Variants in SRPK2 observed in about 807,000 individuals in gnomAD.
SRPK2 encodes SFRS protein kinase 2.
In SRPK2, 21 loss-of-function variants were observed where a neutral mutation model predicts 90.8. The ratio of observed to expected loss-of-function variants is 0.23; its 90% CI spans 0.16 to 0.33. The LOEUF is 0.33. Ranked by LOEUF, SRPK2 falls within the 10% of genes least tolerant of loss-of-function variation. The probability of loss-of-function intolerance (pLI) is 1.00; values close to 1 mark genes in which losing one functional copy is unlikely to be tolerated. For missense variants in SRPK2, 620 were observed against 869.0 expected (o/e 0.71, Z 3.60); for synonymous variants, 288 against 311.1 (o/e 0.93, Z 0.78).
intron 2 of SRPK2, 133 bp downstream of exon 2, chr7:105,388,515 A>C: frequency 2.0e-6 from 1 of 508,172 alleles, no homozygotes; most frequent in Non-Finnish European, 2.8e-6. Context: ...CGGGGGCAGG[A>C]GCCGAGCGCC....
upstream of SRPK2, among the ~76,000 whole-genome samples, chr7:105,390,170 AATAAAG>A (rs1158278448): frequency 6.6e-6 from 1 of 152,214 alleles, no homozygotes; most frequent in Non-Finnish European, 1.5e-5. Flanking sequence ...ATCTACTAAG[AATAAAG>A]ATAATCTCCC....
At chr7:105,386,460 T>A (rs755512795) in intron 2 of SRPK2, among the ~76,000 whole-genome samples, 8 of 152,178 alleles carry the variant, frequency 5.3e-5, no homozygotes, top group Non-Finnish European at 1.2e-4. Context: ...ACACCTGTAA[T>A]CCCAGCTGTG....
intron 2 of SRPK2, among the ~76,000 whole-genome samples, chr7:105,339,622 T>C (rs1301438979): frequency 6.6e-6 from 1 of 152,230 alleles, no homozygotes; most frequent in East Asian, 1.9e-4. Flanking sequence ...CTGAGAATAC[T>C]ACTAAAACAC....
chr7:105,349,669 A>T (rs945395105), intron 2 of SRPK2, among the ~76,000 whole-genome samples: 1 of 152,206 alleles, frequency 6.6e-6, no homozygotes, highest in Non-Finnish European at 1.5e-5. Flanking sequence ...CTAAGCCCAA[A>T]AAACCAGAGA....
intron 2 of SRPK2, among the ~76,000 whole-genome samples, chr7:105,230,866 T>G (rs1468333795): frequency 1.3e-5 from 2 of 152,230 alleles, no homozygotes; most frequent in Non-Finnish European, 2.9e-5. Flanking sequence ...TTATCAAAAA[T>G]CATTGTTTAT....
intron 2 of SRPK2, among the ~76,000 whole-genome samples, chr7:105,236,425 TTGG>T (rs1336967784): frequency 1.5e-4 from 23 of 152,316 alleles, no homozygotes; most frequent in Admixed American, 1.3e-3. Context: ...TTTTTCTTTC[TTGG>T]TGGTGCATAA....
chr7:105,271,109 T>C (rs1805774685), intron 2 of SRPK2, among the ~76,000 whole-genome samples: 1 of 152,206 alleles, frequency 6.6e-6, no homozygotes, highest in Non-Finnish European at 1.5e-5. Context: ...ATGTATCAAC[T>C]TGCTGCTTCA....
intron 2 of SRPK2, among the ~76,000 whole-genome samples, chr7:105,267,835 T>C (rs943851274): frequency 1.3e-5 from 2 of 152,118 alleles, no homozygotes; most frequent in Admixed American, 6.6e-5. Context: ...TTTTTCTAAA[T>C]ATTACATCTA....
chr7:105,121,316 G>C (rs549010976), intron 15 of SRPK2, among the ~76,000 whole-genome samples: 1 of 150,028 alleles, frequency 6.7e-6, no homozygotes, highest in African/African-American at 2.5e-5. Context: ...CTACACTCCA[G>C]CCTAGGCAAC....
chr7:105,243,528 C>G (rs1046859791), intron 2 of SRPK2, among the ~76,000 whole-genome samples: 1 of 150,036 alleles, frequency 6.7e-6, no homozygotes, highest in Non-Finnish European at 1.5e-5. Flanking sequence ...ACAAATTAGC[C>G]GGGCGTGGTA....
intron 7 of SRPK2, among the ~76,000 whole-genome samples, chr7:105,154,344 G>A (rs531612560): frequency 2.0e-5 from 3 of 152,276 alleles, no homozygotes; most frequent in East Asian, 1.9e-4. Context: ...ATACAGCATC[G>A]TGTGCACTAC....
At chr7:105,254,683 T>C (rs543959952) in intron 2 of SRPK2, among the ~76,000 whole-genome samples, 2 of 151,960 alleles carry the variant, frequency 1.3e-5, no homozygotes, top group Non-Finnish European at 2.9e-5. Flanking sequence ...TTTGTTGTTG[T>C]TGTTGTTATT....
chr7:105,303,040 C>CT (rs1810739173), intron 2 of SRPK2, among the ~76,000 whole-genome samples: 2 of 151,968 alleles, frequency 1.3e-5, no homozygotes, highest in South Asian at 4.2e-4. Flanking sequence ...CGCCGCTGCA[C>CT]TCCAGCCTGG....
At chr7:105,143,525 C>A in intron 9 of SRPK2, 195 bp from the exon 10 acceptor site, 1 of 669,220 alleles carries the variant, frequency 1.5e-6, no homozygotes. Context: ...TGACTGATAT[C>A]ACGTACTAGG....
chr7:105,294,737 A>G lies in SRPK2; in HGVS notation c.72-90952T>C, dbSNP rs142785056. On this transcript the variant is annotated intron_variant, in intron 2 of 15. Coordinates refer to ENST00000393651, the MANE Select transcript of SRPK2 (RefSeq NM_182692.3). ...GACAGGATTTCATCATGTTGGCCAG[A>G]CTGGTAACGAACTCCTGACCTCAAC... 2.8e-3 allele frequency among the ~76,000 whole-genome samples: 421 copies of G among 151,934 alleles called. 10 individuals are homozygous for G. In the East Asian group the frequency reaches 0.055, roughly 20 times the overall value.
At chr7:105,374,784 T>C (rs1450639365) in intron 2 of SRPK2, among the ~76,000 whole-genome samples, 1 of 152,088 alleles carries the variant, frequency 6.6e-6, no homozygotes, top group Non-Finnish European at 1.5e-5. Flanking sequence ...TATTTTTGTG[T>C]TTTTAGTAGA....
At chr7:105,146,385 C>T in intron 8 of SRPK2, 108 bp downstream of exon 8, 1 of 1,185,082 alleles carries the variant, frequency 8.4e-7, no homozygotes, top group South Asian at 1.8e-5. Flanking sequence ...TTAAACTTTT[C>T]CAAAATCTTC....
At chr7:105,330,352 A>G (rs894810511) in intron 2 of SRPK2, among the ~76,000 whole-genome samples, 2 of 151,382 alleles carry the variant, frequency 1.3e-5, no homozygotes, top group African/African-American at 4.8e-5. Context: ...TAAATAAATA[A>G]ATAAAAATAA....
chr7:105,326,346 C>A (rs1214804390), intron 2 of SRPK2, among the ~76,000 whole-genome samples: 1 of 152,252 alleles, frequency 6.6e-6, no homozygotes. Context: ...AAGAAAGCTG[C>A]GGAAAGGCAT....
Sources: gnomAD v4.1 joint callset for allele counts (sites outside exome capture counted in the v4.1 genomes callset) on GRCh38, gnomAD v4.1.1 for gene constraint, MANE v1.5 for transcripts, NCBI Gene and HGNC (gene_info 2026-07-23, HGNC 2026-07-21) for gene names.